The following NUP107 variants were observed in gnomAD, a reference collection of about 807,000 sequenced individuals.
The protein encoded by NUP107 is nuclear pore complex protein Nup107.
Under a neutral mutation model 141.0 loss-of-function variants are expected in NUP107, and 101 were observed. The ratio of observed to expected loss-of-function variants is 0.72; its 90% CI spans 0.61 to 0.84. The LOEUF (loss-of-function observed/expected upper bound fraction) is 0.84. Among genes scored for constraint, NUP107 ranks in the 40% least tolerant of loss-of-function variants. The probability of loss-of-function intolerance (pLI) is 0.00; values close to 1 mark genes in which losing one functional copy is unlikely to be tolerated. For missense variants in NUP107, 941 were observed against 1,102.7 expected (o/e 0.85, Z 2.08); for synonymous variants, 319 against 363.9 (o/e 0.88, Z 1.41).
chr12:68,706,151 G>A (rs1317755986), intron 8 of NUP107: 3 of 766,756 alleles, frequency 3.9e-6, no homozygotes, highest in African/African-American at 3.4e-5. Context: ...GGGGCTGGTG[G>A]AGGACTTCAA....
intron 21 of NUP107, among the ~76,000 whole-genome samples, 166 bp downstream of exon 21, chr12:68,731,426 A>G (rs1224975949): frequency 6.6e-6 from 1 of 152,238 alleles, no homozygotes; most frequent in Admixed American, 6.5e-5. Flanking sequence ...CTTATGCTGT[A>G]ACTCATATGT....
chr12:68,725,757 C>A lies in NUP107; in HGVS notation c.1537C>A (p.His513Asn). 3 of 1,528,582 alleles carry A rather than the reference C, an allele frequency of 2.0e-6. No homozygotes were observed. The highest frequency in any genetic ancestry group is 2.4e-5 in the South Asian group (2 of 83,492). The allele number at this position is 1,528,582 out of a possible 1,614,324, so 94.7% of individuals were successfully genotyped here. ...TCTGGAAGAGAATCAAGAACATTAT[C>A]ATATAGTTCAAAAGTTTCTTATCCT... ...RVLEENQEHY[H>N]IVQKFLILGD... Residue 513 changes from histidine to asparagine, a missense_variant, in exon 18 of 28, where the codon CAT (histidine) becomes AAT (asparagine). By Grantham distance (68) the His-to-Asn change is moderately conservative. Transcript: ENST00000229179.
intron 10 of NUP107, 135 bp downstream of exon 10, chr12:68,710,228 C>T (rs1400157536): frequency 3.7e-6 from 2 of 534,898 alleles, no homozygotes; most frequent in Non-Finnish European, 6.6e-6. Flanking sequence ...GTGAGCAAAA[C>T]AAATAAAGGC....
intron 10 of NUP107, among the ~76,000 whole-genome samples, chr12:68,711,133 A>G (rs1191745361): frequency 1.3e-5 from 2 of 150,264 alleles, no homozygotes; most frequent in African/African-American, 2.4e-5. Context: ...CGGGCGGATC[A>G]CGAAGTCAGG....
Position 68,720,157 on chromosome 12 carries a change from T to C in NUP107, c.1251+503T>C, listed in dbSNP as rs563512813. On this transcript the variant is annotated intron_variant, in intron 14 of 27. Transcript: ENST00000229179. ...TTGTGCAAAAACCCCACAGGACTTA[T>C]AGGGAAATGGAGTTAAGAGAAAAAT... is the stretch of plus-strand genomic sequence containing the variant. 1.6e-4 allele frequency among the ~76,000 whole-genome samples: 24 copies of C among 152,212 alleles called. No individual in the cohort carries two copies. In the East Asian group the frequency reaches 1.9e-3, roughly 12 times the overall value.
intron 3 of NUP107, 77 bp from the exon 4 acceptor site, chr12:68,690,554 T>C (rs759578616): frequency 6.3e-7 from 1 of 1,585,412 alleles, no homozygotes; most frequent in South Asian, 1.1e-5. Flanking sequence ...TTATTCTTCA[T>C]TGTTTGTTTG....
intron 24 of NUP107, 64 bp from the exon 25 acceptor site, chr12:68,734,644 G>A (rs1877986249): frequency 8.0e-7 from 1 of 1,254,626 alleles, no homozygotes; most frequent in Admixed American, 2.6e-5. Flanking sequence ...AAAAATGTTG[G>A]TGAAACGATA....
intron 19 of NUP107, 132 bp from the exon 20 acceptor site, chr12:68,727,219 C>T: frequency 2.1e-6 from 1 of 469,764 alleles, no homozygotes; most frequent in East Asian, 3.3e-5. Context: ...AAGCACTTAG[C>T]TTGGTGTATA....
chr12:68,696,174 G>A (rs1212454973), intron 5 of NUP107, among the ~76,000 whole-genome samples: 1 of 150,320 alleles, frequency 6.7e-6, no homozygotes, highest in African/African-American at 2.5e-5. Flanking sequence ...GACCATCCTG[G>A]CTAACACAGT....
intron 10 of NUP107, among the ~76,000 whole-genome samples, chr12:68,713,025 TA>T (rs1876936130): frequency 6.6e-6 from 1 of 151,860 alleles, no homozygotes; most frequent in Non-Finnish European, 1.5e-5. Flanking sequence ...TAGAAAGCAA[TA>T]ATCAGGCAAA....
intron 17 of NUP107, 70 bp downstream of exon 17, chr12:68,722,222 T>G: frequency 7.8e-7 from 1 of 1,289,388 alleles, no homozygotes; most frequent in Non-Finnish European, 1.1e-6. Context: ...GCACTGTAGC[T>G]GAAAGGAAAA....
At chr12:68,711,823 A>G (rs1212618595) in intron 10 of NUP107, among the ~76,000 whole-genome samples, 1 of 152,224 alleles carries the variant, frequency 6.6e-6, no homozygotes, top group African/African-American at 2.4e-5. Context: ...AGACAAATGT[A>G]ACTATTCTGG....
At chr12:68,734,118 T>A (rs926816891) in intron 24 of NUP107, among the ~76,000 whole-genome samples, 2 of 151,932 alleles carry the variant, frequency 1.3e-5, no homozygotes, top group African/African-American at 2.4e-5. Flanking sequence ...TACAAAAAAA[T>A]AAAACAAAAT....
intron 3 of NUP107, among the ~76,000 whole-genome samples, chr12:68,690,115 G>T (rs1875712648): frequency 6.6e-6 from 1 of 151,810 alleles, no homozygotes. Context: ...GGAAGGCAGA[G>T]GTTGCAGTGA....
chr12:68,715,639 C>A lies in NUP107; in HGVS notation c.982C>A (p.Pro328Thr). Residue 328 changes from proline to threonine, a missense_variant, in exon 12 of 28, where the codon CCC (proline) becomes ACC (threonine). Coordinates refer to ENST00000229179, the MANE Select transcript of NUP107 (RefSeq NM_020401.4). ...PLVTELDPDAPIRQKMPLDDL... is the reference protein window; with the variant it reads ...PLVTELDPDATIRQKMPLDDL... ...TTTCTTCTTACAGGACCCTGATGCT[C>A]CCATAAGACAGAAAATGCCCCTTGA... The A allele has an allele frequency of 6.2e-7, 1 of 1,607,630 alleles. No homozygotes were observed. Among genetic ancestry groups the A allele is most frequent in the South Asian group, 1.1e-5 (1 of 90,910 alleles).
intron 20 of NUP107, among the ~76,000 whole-genome samples, chr12:68,728,175 G>A (rs1454823710): frequency 6.6e-6 from 1 of 151,564 alleles, no homozygotes; most frequent in Non-Finnish European, 1.5e-5. Context: ...TGTAAACCCA[G>A]CTACTCGGGA....
At chr12:68,735,173 A>G in intron 25 of NUP107, 58 bp from the exon 26 acceptor site, 2 of 1,153,176 alleles carry the variant, frequency 1.7e-6, no homozygotes, top group Non-Finnish European at 2.6e-6. Flanking sequence ...TGTATTTTCC[A>G]AATACATTAT....
At chr12:68,740,529 T>C (rs1241866925) in intron 26 of NUP107, among the ~76,000 whole-genome samples, 2 of 152,236 alleles carry the variant, frequency 1.3e-5, no homozygotes, top group Non-Finnish European at 2.9e-5. Flanking sequence ...CTCCTTGGTA[T>C]AATTACCAGA....
chr12:68,718,756 C>G (rs1480333916), intron 12 of NUP107, among the ~76,000 whole-genome samples: 1 of 151,858 alleles, frequency 6.6e-6, no homozygotes, highest in Non-Finnish European at 1.5e-5. Context: ...TATAATGAGA[C>G]TCTGTCTCTA....
Sources: gnomAD v4.1 joint callset for allele counts (sites outside exome capture counted in the v4.1 genomes callset) on GRCh38, gnomAD v4.1.1 for gene constraint, MANE v1.5 for transcripts, NCBI Gene and HGNC (gene_info 2026-07-23, HGNC 2026-07-21) for gene names.